Variants in RBM44 observed in about 807,000 individuals in gnomAD.
The protein encoded by RBM44 is RNA binding motif protein 44.
A neutral mutation model predicts 105.1 loss-of-function variants in RBM44; 66 were observed. The ratio of observed to expected loss-of-function variants is 0.63; its 90% confidence interval spans 0.52 to 0.77. The LOEUF (loss-of-function observed/expected upper bound fraction) is 0.77, where lower values mean the gene tolerates loss of function less well. RBM44 is among the 30% of genes least tolerant of loss of function. RBM44 has a pLI of 0.00. For synonymous variants in RBM44, 365 were observed against 417.6 expected (o/e 0.87, Z 1.54); for missense variants, 1,122 against 1,207.8 (o/e 0.93, Z 1.05).
At chr2:237,801,666 T>C (rs760959519) in intron 1 of RBM44, among the ~76,000 whole-genome samples, 20 of 152,206 alleles carry the variant, frequency 1.3e-4, no homozygotes, top group Non-Finnish European at 2.6e-4. Flanking sequence ...CTAGTTATCT[T>C]ATAATCTAAG....
At chr2:237,829,670 A>G (rs180722173) in intron 13 of RBM44, among the ~76,000 whole-genome samples, 168 bp downstream of exon 13, 124 of 152,298 alleles carry the variant, frequency 8.1e-4, no homozygotes, top group South Asian at 5.6e-3. Flanking sequence ...TACAACTCCA[A>G]TTGTTCCTGG....
rs145137416 is a variant in RBM44 at position 237,814,573 on chromosome 2, C to T, written c.73+891C>T. 2.6e-3 allele frequency among the ~76,000 whole-genome samples: 402 copies of T among 151,746 alleles called. 1 individual carries two copies. Among genetic ancestry groups the T allele is most frequent in the Non-Finnish European group, 3.2e-3 (214 of 67,902 alleles). ...AGAAGGTAAAATAAATTTTAAAATACAGGAAAAAACTTACCAGATATAAAA... is the reference window on the plus strand; with the variant it reads ...AGAAGGTAAAATAAATTTTAAAATATAGGAAAAAACTTACCAGATATAAAA... On this transcript the variant is annotated intron_variant, in intron 2 of 15. Coordinates refer to ENST00000316997, the MANE Select transcript of RBM44 (RefSeq NM_001080504.3).
Position 237,803,967 on chromosome 2 carries a change from A to C in RBM44, c.-19+5106A>C, listed in dbSNP as rs1365945401. Among the ~76,000 whole-genome samples, 1 of 151,422 alleles carries C rather than the reference A, an allele frequency of 6.6e-6. No individual in the cohort carries two copies. The highest frequency in any genetic ancestry group is 1.5e-5 in the Non-Finnish European group (1 of 67,912). Reference sequence around the variant, plus strand: ...CAGTGGCGCAATCTCAGCTGACTGCAACCTCTGGGGTTCTGCCTCAGCCTC... The same window carrying C: ...CAGTGGCGCAATCTCAGCTGACTGCCACCTCTGGGGTTCTGCCTCAGCCTC... On this transcript the variant is annotated intron_variant, in intron 1 of 15. Coordinates refer to ENST00000316997, the MANE Select transcript of RBM44 (RefSeq NM_001080504.3). This position sits in a 1 kb window ranked among gnomAD's most constrained non-coding sequence, Gnocchi z 4.2.
intron 13 of RBM44, 137 bp downstream of exon 13, chr2:237,829,639 A>G (rs988954369): frequency 2.6e-6 from 2 of 782,736 alleles, no homozygotes; most frequent in African/African-American, 3.5e-5. Flanking sequence ...TCAACCTTGA[A>G]TCCACCTCAA....
rs2061827446 is a variant in RBM44, at chr2:237,824,416, G to A, written c.2446G>A (p.Gly816Arg). ...AGACACATGGAATTTGGATCTTACA[G>A]GAGGTTGGTTCTCAAGAATTTACCG... ...EQDTWNLDLT[G>R]EMKNVEPSQR... Residue 816 changes from glycine (G) to arginine (R), a missense_variant, in exon 10 of 16, where the codon GGA becomes AGA. This residue lies in a region of RBM44 where 918 missense variants were observed against 955.3 expected (regional missense o/e 0.96). Transcript: ENST00000316997. 2.5e-6 allele frequency: 4 copies of A among 1,611,926 alleles called. No homozygotes were observed. Among genetic ancestry groups the A allele is most frequent in the Non-Finnish European group, 3.4e-6 (4 of 1,178,772 alleles).
chr2:237,815,723 T>TA (rs937095954), intron 2 of RBM44, among the ~76,000 whole-genome samples: 4 of 151,540 alleles, frequency 2.6e-5, no homozygotes, highest in Non-Finnish European at 4.4e-5. Flanking sequence ...ATGATCTTAG[T>TA]AAAAAAAAAT....
intron 10 of RBM44, among the ~76,000 whole-genome samples, chr2:237,826,052 G>T (rs543915766): frequency 6.6e-6 from 1 of 152,076 alleles, no homozygotes. Context: ...ACCTTGTGGC[G>T]TGGTTGTGAG....
intron 13 of RBM44, among the ~76,000 whole-genome samples, chr2:237,830,114 G>A (rs12053262): frequency 0.23 from 34,986 of 152,026 alleles, 4,562 homozygotes; most frequent in East Asian, 0.46. Flanking sequence ...CATCACTCCA[G>A]AGAATTATCT....
intron 1 of RBM44, among the ~76,000 whole-genome samples, chr2:237,805,477 G>GA (rs1314889871): frequency 5.9e-5 from 9 of 152,194 alleles, no homozygotes; most frequent in African/African-American, 2.2e-4. Context: ...CACACAATTA[G>GA]AAAAAACTAT....
intron 8 of RBM44, among the ~76,000 whole-genome samples, chr2:237,822,757 G>GTT (rs57616901): frequency 0.24 from 35,836 of 151,784 alleles, 4,812 homozygotes; most frequent in East Asian, 0.47. Flanking sequence ...ATATAACGTA[G>GTT]TTTTATAATC....
intron 1 of RBM44, among the ~76,000 whole-genome samples, chr2:237,812,528 A>G (rs1436543529): frequency 6.6e-6 from 1 of 152,218 alleles, no homozygotes; most frequent in Non-Finnish European, 1.5e-5. Flanking sequence ...CTGCTTTTTA[A>G]TATCTTCTCC....
intron 1 of RBM44, 37 bp from the exon 2 acceptor site, chr2:237,813,555 A>T: frequency 9.1e-7 from 1 of 1,099,356 alleles, no homozygotes; most frequent in Non-Finnish European, 1.3e-6. Context: ...TATGCTTTTT[A>T]AGTATAATAA....
intron 1 of RBM44, among the ~76,000 whole-genome samples, chr2:237,802,802 C>A (rs1361557389): frequency 1.3e-5 from 2 of 152,140 alleles, no homozygotes; most frequent in Non-Finnish European, 2.9e-5. Context: ...GAAAGGTATT[C>A]GTCTCTGAAA....
chr2:237,834,988 C>T (rs537143816), intron 15 of RBM44: 1 of 152,370 alleles, frequency 6.6e-6, no homozygotes, highest in South Asian at 2.1e-4. Flanking sequence ...TGTGGCAACC[C>T]TGCATCAAGC....
At chr2:237,828,530 A>G (rs1296872541) in intron 12 of RBM44, among the ~76,000 whole-genome samples, 1 of 152,110 alleles carries the variant, frequency 6.6e-6, no homozygotes, top group Non-Finnish European at 1.5e-5. Flanking sequence ...CTGTGTAGAA[A>G]TTTAGAAAGT....
At chr2:237,824,239 AGT>A (rs747639939) in intron 9 of RBM44, 50 bp from the exon 10 acceptor site, 43 of 1,582,150 alleles carry the variant, frequency 2.7e-5, no homozygotes, top group Non-Finnish European at 3.5e-5. Flanking sequence ...GTAACTTTTC[AGT>A]GTGTTGGACG....
At chr2:237,829,678 TG>T (rs979445198) in intron 13 of RBM44, among the ~76,000 whole-genome samples, 176 bp downstream of exon 13, 2 of 152,196 alleles carry the variant, frequency 1.3e-5, no homozygotes, top group African/African-American at 4.8e-5. Flanking sequence ...CAATTGTTCC[TG>T]GGGGGAAATC....
Position 237,829,496 on chromosome 2 carries a change from C to T in RBM44, c.2880C>T (p.Ser960=), listed in dbSNP as rs752999301. 9.9e-6 allele frequency: 16 copies of T among 1,609,842 alleles called. No individual in the cohort carries two copies. The highest frequency in any genetic ancestry group is 4.0e-5 in the African/African-American group (3 of 74,634). ...AGCAAGACAGTGAGGTTTTCCCTTC[C>T]GACCAGGTTAGTGTTTTTGATAGAT... ...GSEQDSEVFP[S]DQGVKKNCKQ... is the part of the protein sequence containing the mutation. The change falls in exon 13 of 16, where the codon TCC becomes TCT. Residue 960 remains serine, a synonymous_variant. Transcript: ENST00000316997.
chr2:237,812,799 G>T (rs544156196), intron 1 of RBM44, among the ~76,000 whole-genome samples: 1 of 152,134 alleles, frequency 6.6e-6, no homozygotes, highest in South Asian at 2.1e-4. Context: ...ATCATTTCAT[G>T]TGTCCATTGG....
Sources: gnomAD v4.1 joint callset for allele counts (sites outside exome capture counted in the v4.1 genomes callset) on GRCh38, gnomAD v4.1.1 for gene constraint, gnomAD v4.1.1 regional missense constraint, Gnocchi (gnomAD v3.1) non-coding constraint, MANE v1.5 for transcripts, NCBI Gene and HGNC (gene_info 2026-07-23, HGNC 2026-07-21) for gene names.